Variants in VCP observed in about 807,000 individuals in gnomAD.
The protein encoded by VCP is transitional endoplasmic reticulum ATPase.
Under a neutral mutation model 85.7 loss-of-function variants are expected in VCP, and 6 were observed. The observed-to-expected ratio is 0.07, with a 90% CI of 0.04 to 0.14. The LOEUF (loss-of-function observed/expected upper bound fraction) is 0.14, where lower values mean the gene tolerates loss of function less well. Ranked by LOEUF, VCP falls within the 10% of genes least tolerant of loss-of-function variation. VCP has a pLI of 1.00. For synonymous variants in VCP, 384 were observed against 367.1 expected (o/e 1.05, Z -0.53); for missense variants, 353 against 1,043.4 (o/e 0.34, Z 9.12).
At chr9:35,065,955 G>A (rs572109348) in intron 4 of VCP, among the ~76,000 whole-genome samples, 112 of 152,128 alleles carry the variant, frequency 7.4e-4, no homozygotes, top group African/African-American at 2.5e-3. Context: ...GTGAAACCCC[G>A]TCTCTACTAA....
chr9:35,070,644 C>T (rs1489237449), intron 1 of VCP, among the ~76,000 whole-genome samples: 3 of 152,100 alleles, frequency 2.0e-5, no homozygotes, highest in Non-Finnish European at 4.4e-5. Flanking sequence ...CCATGTTGCC[C>T]GGGCTGGTCT....
intron 15 of VCP, 123 bp from the exon 16 acceptor site, chr9:35,057,653 C>T: frequency 2.3e-6 from 3 of 1,304,112 alleles, no homozygotes; most frequent in Non-Finnish European, 3.3e-6. Flanking sequence ...AGGTAAGATG[C>T]TAGGCCATGC....
intron 1 of VCP, chr9:35,071,812 G>A (rs772450666): frequency 3.7e-4 from 367 of 989,382 alleles, no homozygotes; most frequent in Non-Finnish European, 3.7e-4. Flanking sequence ...CCTGAGCTCG[G>A]CGGGCCTTCC....
At chr9:35,061,834 G>T in intron 9 of VCP, 145 bp from the exon 10 acceptor site, 1 of 1,439,744 alleles carries the variant, frequency 6.9e-7, no homozygotes, top group Non-Finnish European at 9.7e-7. Context: ...AAACCTTTCA[G>T]TCTCAGGAAA....
rs188654803 is a variant in VCP, at chr9:35,068,225, A to G, written c.129+26T>C. 15 of 1,611,358 alleles carry G rather than the reference A, an allele frequency of 9.3e-6. No individual in the cohort carries two copies. In the Admixed American group the frequency reaches 1.0e-4, roughly 11 times the overall value. ...ATCCCTCAAGTAAGTGCAGTAAGGA[A>G]AGACTAGTCTGTGGCCACAGCTTAC... On this transcript the variant is annotated intron_variant, in intron 2 of 16. Coordinates refer to ENST00000358901, the MANE Select transcript of VCP (RefSeq NM_007126.5).
At position 35,057,673 on chromosome 9, in the gene VCP, T is replaced by C. The variant is rs1420246760; in HGVS notation, c.2161-143A>G. 6.3e-6 allele frequency: 7 copies of C among 1,114,454 alleles called. No homozygotes were observed. In the Admixed American group the frequency reaches 1.0e-4, roughly 16 times the overall value. The allele number at this position is 1,114,454 out of a possible 1,614,324, so 69.0% of individuals were successfully genotyped here. ...AGATGCTAGGCCATGCTTCCTAAAA[T>C]TGAGTCACTGCTCTGCTTAAAAACT... On this transcript the variant is annotated intron_variant, in intron 15 of 16. Coordinates refer to ENST00000358901, the MANE Select transcript of VCP (RefSeq NM_007126.5).
In VCP at chr9:35,068,265, C is replaced by T; in HGVS notation, c.115G>A (p.Val39Met). The change falls in exon 2 of 17, where the codon GTG becomes ATG. Residue 39 changes from valine to methionine, a missense_variant. Physicochemically the swap from Val to Met is conservative, Grantham distance 21. Coordinates refer to ENST00000358901, the MANE Select transcript of VCP (RefSeq NM_007126.5). The part of the protein sequence containing the change: ...DEAINEDNSV[V>M]SLSQPKMDEL... ...CCACAGCTTACCTGGGACAAGGACACCACACTGTTGTCCTCATTGATGGCT... is the reference window on the plus strand; with the variant it reads ...CCACAGCTTACCTGGGACAAGGACATCACACTGTTGTCCTCATTGATGGCT... The T allele has an allele frequency of 6.2e-7, 1 of 1,613,844 alleles. No homozygotes were observed. Among genetic ancestry groups the T allele is most frequent in the Non-Finnish European group, 8.5e-7 (1 of 1,179,770 alleles).
At position 35,062,299 on chromosome 9, in the gene VCP, T is replaced by C; in HGVS notation, c.863A>G (p.Lys288Arg). The stretch of plus-strand genomic sequence containing the variant: ...ATTCTTCTCAGCCTCCTCAAAGGCT[T>C]TACGAAGGTTGCTCTCAGACTCACC... ...LAGESESNLR[K>R]AFEEAEKNAP... Residue 288 changes from lysine (K) to arginine (R), a missense_variant, in exon 8 of 17, where the codon AAA becomes AGA. Coordinates refer to ENST00000358901, the MANE Select transcript of VCP (RefSeq NM_007126.5). The C allele has an allele frequency of 6.2e-7, 1 of 1,614,122 alleles. No individual in the cohort carries two copies. The highest frequency in any genetic ancestry group is 8.5e-7 in the Non-Finnish European group (1 of 1,180,034).
chr9:35,060,956 T>G, intron 11 of VCP, 33 bp from the exon 12 acceptor site: 1 of 1,614,190 alleles, frequency 6.2e-7, no homozygotes, highest in Non-Finnish European at 8.5e-7. Context: ...GGATGAGACT[T>G]ATCAAGGGAG....
In VCP at chr9:35,072,293, C is replaced by T. The variant is rs940926297; in HGVS notation, c.17+44G>A. On this transcript the variant is annotated intron_variant, in intron 1 of 16. Coordinates refer to ENST00000358901, the MANE Select transcript of VCP (RefSeq NM_007126.5). The stretch of plus-strand genomic sequence containing the variant: ...CGGGCCTACCCTGCGCGGCTGGTCC[C>T]GGTGCGCGCCGCCGCAGCAAGCGAA... 10 of 1,483,090 alleles carry T rather than the reference C, an allele frequency of 6.7e-6. No individual in the cohort carries two copies. In the African/African-American group the frequency reaches 8.8e-5, roughly 13 times the overall value. 91.9% of individuals were successfully genotyped at this position (1,483,090 alleles called of 1,614,324 possible).
intron 3 of VCP, among the ~76,000 whole-genome samples, chr9:35,067,600 A>T (rs556761866): frequency 6.6e-6 from 1 of 152,344 alleles, no homozygotes; most frequent in African/African-American, 2.4e-5. Flanking sequence ...ATCCTAAGCC[A>T]GGATATAAGT....
chr9:35,068,399 C>G (rs1157456651), intron 1 of VCP, 37 bp from the exon 2 acceptor site: 1 of 1,551,346 alleles, frequency 6.4e-7, no homozygotes, highest in Non-Finnish European at 8.9e-7. Flanking sequence ...ATACTCCTGC[C>G]CCAAGCGCCT....
In VCP at chr9:35,063,945, C is replaced by A. The variant is rs548417748; in HGVS notation, c.708+209G>T. The stretch of plus-strand genomic sequence containing the variant: ...TGTGTGTTTTGTGCGCACACGCACA[C>A]AACAGACAATTTGATTAGCCTACTC... On this transcript the variant is annotated intron_variant, in intron 6 of 16. Transcript: ENST00000358901. Among the ~76,000 whole-genome samples the A allele has an allele frequency of 5.3e-5, 8 of 152,332 alleles. 1 individual carries two copies. The highest frequency in any genetic ancestry group is 5.2e-4 in the Admixed American group (8 of 15,302).
chr9:35,067,801 C>T (rs1828861975), intron 3 of VCP, 90 bp downstream of exon 3: 1 of 1,552,970 alleles, frequency 6.4e-7, no homozygotes. Flanking sequence ...GTGCCAAGAA[C>T]TTGGTCCTGC....
rs1828619569 is a variant in VCP at position 35,056,948 on chromosome 9, T to C, written c.*169A>G. ...TTTATTTTATCGCTTTTGTTTTGTA[T>C]TTTTGCAACAGAAACCCCCTGTCCA... On this transcript the variant is annotated 3_prime_UTR_variant, in exon 17 of 17. Transcript: ENST00000358901. The C allele has an allele frequency of 4.3e-5, 30 of 692,578 alleles. No individual in the cohort carries two copies. In the South Asian group the frequency reaches 4.5e-4, roughly 10 times the overall value. 42.9% of individuals were successfully genotyped at this position (692,578 alleles called of 1,614,324 possible).
In VCP at chr9:35,060,147, A is replaced by G. The variant is rs75819288; in HGVS notation, c.1695+166T>C. On this transcript the variant is annotated intron_variant, in intron 13 of 16. Transcript: ENST00000358901. The stretch of plus-strand genomic sequence containing the variant: ...CCCTGTCTCAAGAGAGAGAGAGAGA[A>G]AAAAAAAATAACACTAGGTCTCTCA... Among the ~76,000 whole-genome samples, 409 of 149,004 alleles carry G rather than the reference A, an allele frequency of 2.7e-3. 2 individuals are homozygous for G. Among genetic ancestry groups the G allele is most frequent in the African/African-American group, 6.6e-3 (271 of 41,064 alleles).
chr9:35,072,021 G>A (rs1282312369), intron 1 of VCP: 4 of 1,161,306 alleles, frequency 3.4e-6, no homozygotes, highest in African/African-American at 3.3e-5. Flanking sequence ...GAGTGGGCCG[G>A]AAGACCTGGC....
rs1828721330 is a variant in VCP at position 35,061,566 on chromosome 9, C to A, written c.1194+11G>T. ...ACTGTAACGCCTGGTCAGCCATCAT[C>A]ATCACTTCACCTGTTCCAGGTCCAC... On this transcript the variant is annotated intron_variant, in intron 10 of 16. Transcript: ENST00000358901. 1 of 1,612,910 alleles carries A rather than the reference C, an allele frequency of 6.2e-7. No homozygotes were observed. The highest frequency in any genetic ancestry group is 1.3e-5 in the African/African-American group (1 of 74,906).
At position 35,059,797 on chromosome 9, in the gene VCP, C is replaced by T. The variant is rs201431036; in HGVS notation, c.1700G>A (p.Arg567His). 1.2e-6 allele frequency: 2 copies of T among 1,614,034 alleles called. No individual in the cohort carries two copies. The highest frequency in any genetic ancestry group is 1.7e-6 in the Non-Finnish European group (2 of 1,180,018). ...GAATAGCACACAGGGGGCAGCTTGG[C>T]GGGCCTGTAGGAGGAATGGATTGAT... ...ANVREIFDKARQAAPCVLFFD... is the reference protein window; with the variant it reads ...ANVREIFDKAHQAAPCVLFFD... The change falls in exon 14 of 17, where the codon CGC becomes CAC. Residue 567 changes from arginine to histidine, a missense_variant. By Grantham distance (29) the Arg-to-His change is conservative (BLOSUM62 0). Transcript: ENST00000358901. The surrounding 1 kb of genome is among the most constrained non-coding windows in gnomAD (Gnocchi z 4.9).
Sources: gnomAD v4.1 joint callset for allele counts (sites outside exome capture counted in the v4.1 genomes callset) on GRCh38, gnomAD v4.1.1 for gene constraint, Gnocchi (gnomAD v3.1) non-coding constraint, MANE v1.5 for transcripts, NCBI Gene and HGNC (gene_info 2026-07-23, HGNC 2026-07-21) for gene names.